The following ACTR3C variants were observed in gnomAD, a reference collection of about 807,000 sequenced individuals.
The protein encoded by ACTR3C is actin-related protein 3C.
A neutral mutation model predicts 26.3 loss-of-function variants in ACTR3C; 18 were observed. The ratio of observed to expected loss-of-function variants is 0.68; its 90% CI spans 0.47 to 1.01. ACTR3C has a LOEUF of 1.01. Ranked by LOEUF, ACTR3C falls within the 50% of genes least tolerant of loss-of-function variation. The pLI is 0.00. For synonymous variants in ACTR3C, 55 were observed against 94.5 expected (o/e 0.58, Z 2.42); for missense variants, 184 against 250.7 (o/e 0.73, Z 1.80).
the ACTR3C span, among the ~76,000 whole-genome samples, chr7:150,058,201 AG>A: frequency 2.0e-5 from 3 of 152,204 alleles, no homozygotes; most frequent in South Asian, 6.2e-4. Context: ...CACTGAGAAA[AG>A]CTTGACATTT....
chr7:150,003,570 TGTGTGGTAC>T, the ACTR3C span, among the ~76,000 whole-genome samples: 1 of 152,128 alleles, frequency 6.6e-6, no homozygotes, highest in Admixed American at 6.5e-5. Flanking sequence ...ATGTGTGTTG[TGTGTGGTAC>T]ATGTGGTATG....
chr7:150,084,917 C>A, the ACTR3C span, among the ~76,000 whole-genome samples: 3 of 151,954 alleles, frequency 2.0e-5, no homozygotes, highest in Non-Finnish European at 4.4e-5. Context: ...TGGTGCAGCC[C>A]CAGTGGGGAG....
chr7:150,196,398 G>T, the ACTR3C span, among the ~76,000 whole-genome samples: 132 of 152,268 alleles, frequency 8.7e-4, 1 homozygote, highest in East Asian at 3.7e-3. Context: ...TGTCAAAAGT[G>T]TATTTTATCC....
the ACTR3C span, among the ~76,000 whole-genome samples, chr7:149,960,187 T>C: frequency 2.0e-5 from 3 of 151,934 alleles, no homozygotes; most frequent in African/African-American, 7.3e-5. Context: ...AAAACTGTCT[T>C]TGAGGTATTA....
rs1180334538 is a variant in ACTR3C at position 150,286,426 on chromosome 7, ACTT to A, written c.409_411del (p.Lys137del). 1.9e-6 allele frequency: 3 copies of A among 1,613,400 alleles called. No individual in the cohort carries two copies. Among genetic ancestry groups the A allele is most frequent in the East Asian group, 2.2e-5 (1 of 44,856 alleles). ...CTTTCGTAACCAACGTCTATAACAA[ACTT>A]CTTCTGGTTGATCGCATTGATACCC... On this transcript the variant is annotated inframe_deletion, in exon 5 of 8. Coordinates refer to ENST00000683684, the MANE Select transcript of ACTR3C (RefSeq NM_001164458.2).
the ACTR3C span, among the ~76,000 whole-genome samples, chr7:150,105,374 C>T: frequency 1.3e-5 from 2 of 151,944 alleles, no homozygotes; most frequent in Non-Finnish European, 2.9e-5. Flanking sequence ...AAGCCACCGC[C>T]CCCGGCCTCT....
the ACTR3C span, among the ~76,000 whole-genome samples, chr7:150,209,764 A>ACACACAC: frequency 1.1e-5 from 1 of 88,632 alleles, no homozygotes; most frequent in Non-Finnish European, 2.5e-5. Context: ...CACACACACA[A>ACACACAC]AATTAGCTGG....
the ACTR3C span, among the ~76,000 whole-genome samples, chr7:149,888,779 G>A: frequency 3.0e-4 from 45 of 152,216 alleles, no homozygotes; most frequent in African/African-American, 9.6e-4. Flanking sequence ...AGGCCAAGGC[G>A]GGTGGATCAC....
the ACTR3C span, among the ~76,000 whole-genome samples, chr7:149,907,481 T>TTCTCTCTTCTCTCTC: frequency 8.7e-6 from 1 of 115,062 alleles, no homozygotes; most frequent in Admixed American, 8.2e-5. Context: ...TCTTCTCTTC[T>TTCTCTCTTCTCTCTC]CTCTCTCTCT....
At chr7:150,100,574 C>T in the ACTR3C span, among the ~76,000 whole-genome samples, 1 of 151,736 alleles carries the variant, frequency 6.6e-6, no homozygotes, top group Non-Finnish European at 1.5e-5. Flanking sequence ...TGCCCGGAAC[C>T]TATTCATTCT....
chr7:150,192,282 G>A, the ACTR3C span, among the ~76,000 whole-genome samples: 1 of 151,472 alleles, frequency 6.6e-6, no homozygotes, highest in African/African-American at 2.4e-5. Flanking sequence ...AGAATATGTT[G>A]AATAACATTT....
chr7:150,293,474 T>C, intron 2 of ACTR3C, 55 bp from the exon 3 acceptor site: 1 of 1,513,218 alleles, frequency 6.6e-7, no homozygotes, highest in Non-Finnish European at 8.9e-7. Context: ...TAAAGCCACC[T>C]GCCTGCTCCT....
At chr7:149,966,905 C>T in the ACTR3C span, among the ~76,000 whole-genome samples, 4 of 151,438 alleles carry the variant, frequency 2.6e-5, no homozygotes, top group Non-Finnish European at 4.4e-5. Context: ...TCTGTCACCC[C>T]GACTGGAGTG....
the ACTR3C span, among the ~76,000 whole-genome samples, chr7:149,983,018 C>A: frequency 6.6e-6 from 1 of 152,048 alleles, no homozygotes; most frequent in South Asian, 2.1e-4. Context: ...CAATAATACA[C>A]GATGGGAAAA....
chr7:149,898,907 C>T, the ACTR3C span, among the ~76,000 whole-genome samples: 1 of 151,752 alleles, frequency 6.6e-6, no homozygotes, highest in Admixed American at 6.6e-5. Flanking sequence ...CTTATGAACA[C>T]AATGGAGAAA....
chr7:150,052,069 C>A, the ACTR3C span, among the ~76,000 whole-genome samples: 1 of 151,958 alleles, frequency 6.6e-6, no homozygotes, highest in Non-Finnish European at 1.5e-5. Flanking sequence ...AGTTAGCATA[C>A]TCTGAAGGAA....
chr7:150,308,484 C>T (rs1007893181), intron 1 of ACTR3C, among the ~76,000 whole-genome samples: 14 of 152,136 alleles, frequency 9.2e-5, no homozygotes, highest in East Asian at 3.9e-4. Flanking sequence ...AGGTGCCTTA[C>T]GTCCAGGCAT....
the ACTR3C span, among the ~76,000 whole-genome samples, chr7:149,917,109 C>CCA: frequency 7.1e-6 from 1 of 140,978 alleles, no homozygotes; most frequent in Non-Finnish European, 1.5e-5. Flanking sequence ...GAGTTCCGCT[C>CCA]TTGTTGCCCA....
chr7:150,110,471 CTTACTAAGAGATTCACTCTGGCTGGAGG>C, the ACTR3C span, among the ~76,000 whole-genome samples: 14 of 125,054 alleles, frequency 1.1e-4, no homozygotes, highest in African/African-American at 4.4e-4. Context: ...GAGGGTGGGG[CTTACTAAGAGATTCACTCTGGCTGGAGG>C]AGGTGGGGCT....
Sources: gnomAD v4.1 joint callset for allele counts (sites outside exome capture counted in the v4.1 genomes callset) on GRCh38, gnomAD v4.1.1 for gene constraint, MANE v1.5 for transcripts, NCBI Gene and HGNC (gene_info 2026-07-23, HGNC 2026-07-21) for gene names.